Variants in NCL observed in about 807,000 individuals in gnomAD.
NCL encodes nucleolin multifunctional protein.
In NCL, 4 loss-of-function variants were observed where a neutral mutation model predicts 77.7. The observed-to-expected ratio is 0.05, with a 90% CI of 0.03 to 0.12. The LOEUF (loss-of-function observed/expected upper bound fraction) is 0.12. Among genes scored for constraint, NCL ranks in the 10% least tolerant of loss-of-function variants. The pLI, the probability that NCL is intolerant of heterozygous loss-of-function variation, is 1.00. For missense variants in NCL, 763 were observed against 860.9 expected (o/e 0.89, Z 1.42); for synonymous variants, 344 against 297.8 (o/e 1.16, Z -1.60).
intron 9 of NCL, 132 bp from the exon 10 acceptor site, chr2:231,457,256 T>TCCA (rs1464138793): frequency 7.9e-7 from 1 of 1,270,018 alleles, no homozygotes; most frequent in African/African-American, 1.5e-5. Context: ...GTAAGCTAAA[T>TCCA]CCATTTCTGT....
At chr2:231,459,468 G>A (rs2046925369) in intron 6 of NCL, among the ~76,000 whole-genome samples, 1 of 152,078 alleles carries the variant, frequency 6.6e-6, no homozygotes, top group Admixed American at 6.6e-5. Context: ...AGGTCTAATA[G>A]TTTCAGGTAC....
In NCL at chr2:231,457,476, G is replaced by C. The variant is rs2046902323; in HGVS notation, c.1447+167C>G. On this transcript the variant is annotated intron_variant, in intron 9 of 13. Transcript: ENST00000322723. ...ATTTTAGAGCTCTCATTCAAGATTG[G>C]AAATTACTATTCCAAATAAGAGTAT... The C allele has an allele frequency of 4.9e-6, 4 of 816,434 alleles. No homozygotes were observed. In the Admixed American group the frequency reaches 6.7e-5, roughly 14 times the overall value. The allele number at this position is 816,434 out of a possible 1,614,324, so 50.6% of individuals were successfully genotyped here.
At chr2:231,462,656 C>G (rs1230337776) in intron 2 of NCL, 4 of 460,944 alleles carry the variant, frequency 8.7e-6, no homozygotes, top group African/African-American at 2.0e-5. Flanking sequence ...AACCTGAGCA[C>G]AATTCAGTGC....
chr2:231,459,168 A>G (rs756122513), intron 6 of NCL, 43 bp from the exon 7 acceptor site: 4 of 1,503,804 alleles, frequency 2.7e-6, no homozygotes, highest in Admixed American at 5.0e-5. Context: ...AGGTGAAAAC[A>G]CAAATCAAAA....
rs1330398460 is a variant in NCL at position 231,464,184 on chromosome 2, G to C, written c.18+152C>G. Reference sequence around the variant, plus strand: ...CCTCGCCACCAAGTAGCCAGAAGCCGCGAGACCTCCCCACTAATCGCGCGA... The same window carrying C: ...CCTCGCCACCAAGTAGCCAGAAGCCCCGAGACCTCCCCACTAATCGCGCGA... On this transcript the variant is annotated intron_variant, in intron 1 of 13. Transcript: ENST00000322723. 5.1e-5 allele frequency: 74 copies of C among 1,441,254 alleles called. 1 individual carries two copies. In the South Asian group the frequency reaches 9.1e-4, roughly 18 times the overall value. 89.3% of individuals were successfully genotyped at this position (1,441,254 alleles called of 1,614,324 possible).
chr2:231,458,232 A>G (rs1233359838), intron 8 of NCL, 34 bp downstream of exon 8: 57 of 1,593,928 alleles, frequency 3.6e-5, no homozygotes, highest in Non-Finnish European at 4.8e-5. Context: ...ATTAATGTTA[A>G]TAAAACCCTT....
intron 4 of NCL, 23 bp from the exon 5 acceptor site, chr2:231,460,587 T>C (rs751594141): frequency 6.2e-7 from 1 of 1,614,188 alleles, no homozygotes. Flanking sequence ...TCAAACAATG[T>C]ATCACACATC....
At chr2:231,458,695 A>G (rs2046916640) in intron 7 of NCL, 2 of 426,178 alleles carry the variant, frequency 4.7e-6, no homozygotes, top group East Asian at 4.3e-5. Flanking sequence ...GGGAGTAATT[A>G]GGGACCTAAT....
chr2:231,458,310 A>G lies in NCL; in HGVS notation c.1245T>C (p.Asp415=), dbSNP rs1200026752. 3 of 1,614,144 alleles carry G rather than the reference A, an allele frequency of 1.9e-6. No individual in the cohort carries two copies. Among genetic ancestry groups the G allele is most frequent in the Admixed American group, 1.7e-5 (1 of 60,020 alleles). The change falls in exon 8 of 14, where the codon GAT becomes GAC. Residue 415 remains aspartate (D), a synonymous_variant. Transcript: ENST00000322723. Reference sequence around the variant, plus strand: ...TGCTGACTAATCTGATCTCCGCAGCATCTTCAAACACTTCTTTCAATTCAT... The same window carrying G: ...TGCTGACTAATCTGATCTCCGCAGCGTCTTCAAACACTTCTTTCAATTCAT... ...TQDELKEVFE[D]AAEIRLVSKD... is the part of the protein sequence containing the mutation.
rs1198740005 is a variant in NCL, at chr2:231,463,372, A to G, written c.19-56T>C. On this transcript the variant is annotated intron_variant, in intron 1 of 13. Transcript: ENST00000322723. ...TCCACCTCGACATTTCAGGCCATTC[A>G]TATTTTGCCATTAGTGTTCATACGC... 5 of 1,167,252 alleles carry G rather than the reference A, an allele frequency of 4.3e-6. No individual in the cohort carries two copies. The East Asian group carries it at 7.0e-5, about 16-fold the overall frequency. The allele number at this position is 1,167,252 out of a possible 1,614,324, so 72.3% of individuals were successfully genotyped here. A position where few individuals can be genotyped will look rare whatever the true frequency, so the allele number is the denominator to read the frequency against.
intron 1 of NCL, 124 bp from the exon 2 acceptor site, chr2:231,463,440 C>T: frequency 4.0e-6 from 3 of 741,590 alleles, no homozygotes; most frequent in South Asian, 3.0e-5. Flanking sequence ...GTGCCAAACA[C>T]CACAACTAAC....
chr2:231,464,069 C>G lies in NCL; in HGVS notation c.18+267G>C. On this transcript the variant is annotated intron_variant, in intron 1 of 13. Transcript: ENST00000322723. The stretch of plus-strand genomic sequence containing the variant: ...TCGCAAAAGTTTGGTCTCATCTCTC[C>G]ACCCCGAGGCCCAGCGCCCCCTCCC... 3 of 1,312,888 alleles carry G rather than the reference C, an allele frequency of 2.3e-6. No individual in the cohort carries two copies. In the Admixed American group the frequency reaches 9.2e-5, roughly 40 times the overall value. 81.3% of individuals were successfully genotyped at this position (1,312,888 alleles called of 1,614,324 possible).
chr2:231,456,886 C>G, intron 10 of NCL, 115 bp downstream of exon 10: 1 of 1,554,664 alleles, frequency 6.4e-7, no homozygotes, highest in Non-Finnish European at 8.7e-7. Flanking sequence ...ATTTTACACT[C>G]ATTTACGTAG....
At chr2:231,455,761 C>G in intron 12 of NCL, 137 bp from the exon 13 acceptor site, 2 of 1,207,166 alleles carry the variant, frequency 1.7e-6, no homozygotes, top group Non-Finnish European at 2.4e-6. Flanking sequence ...CAGAGTAGCT[C>G]TCTATGGAAA....
Position 231,460,693 on chromosome 2 carries a change from C to CAT in NCL, c.786_787insAT (p.Glu263MetfsTer53). The stretch of plus-strand genomic sequence containing the variant: ...CCTTCCTCCTCCTCTTCTTCCTCCT[C>CAT]CTCATCATCTTCATCATCATCATCT... On this transcript the variant is annotated frameshift_variant, in exon 4 of 14. Coordinates refer to ENST00000322723, the MANE Select transcript of NCL (RefSeq NM_005381.3). LOFTEE classifies it high-confidence loss of function. 2 of 1,611,964 alleles carry CAT rather than the reference C, an allele frequency of 1.2e-6. No homozygotes were observed. Among genetic ancestry groups the CAT allele is most frequent in the Non-Finnish European group, 1.7e-6 (2 of 1,178,864 alleles).
At position 231,461,719 on chromosome 2, in the gene NCL, C is replaced by T; in HGVS notation, c.434G>A (p.Ser145Asn). The T allele has an allele frequency of 6.2e-7, 1 of 1,614,228 alleles. No individual in the cohort carries two copies. Among genetic ancestry groups the T allele is most frequent in the Non-Finnish European group, 8.5e-7 (1 of 1,180,040 alleles). Residue 145 changes from serine (S) to asparagine (N), a missense_variant, in exon 3 of 14, where the codon AGT (serine) becomes AAT (asparagine). This residue lies in a region of NCL where 590 missense variants were observed against 570.5 expected (regional missense o/e 1.03). Coordinates refer to ENST00000322723, the MANE Select transcript of NCL (RefSeq NM_005381.3). The part of the protein sequence containing the change: ...KNGKNAKKED[S>N]DEEEDDDSEE... The stretch of plus-strand genomic sequence containing the variant: ...ACTGTCATCATCCTCCTCTTCATCA[C>T]TGTCTTCCTTCTTGGCATTCTTGCC...
chr2:231,463,087 C>T, intron 2 of NCL, 113 bp downstream of exon 2: 2 of 776,066 alleles, frequency 2.6e-6, no homozygotes, highest in Non-Finnish European at 4.2e-6. Flanking sequence ...TCAACCACTA[C>T]AATAAGACAT....
rs1480096465 is a variant in NCL at position 231,459,038 on chromosome 2, A to G, written c.1128T>C (p.Ile376=). Residue 376 remains isoleucine (I), a synonymous_variant, in exon 7 of 14, where the codon ATT becomes ATC. Coordinates refer to ENST00000322723, the MANE Select transcript of NCL (RefSeq NM_005381.3). ...LTGLKVFGNE[I]KLEKPKGKDS... The stretch of plus-strand genomic sequence containing the variant: ...CTTTTCCTTTTGGTTTCTCTAGTTT[A>G]ATTTCATTGCCAAAGACTTTCAAAC... 5.0e-6 allele frequency: 8 copies of G among 1,601,662 alleles called. No homozygotes were observed. The highest frequency in any genetic ancestry group is 6.8e-6 in the Non-Finnish European group (8 of 1,175,452).
At position 231,455,725 on chromosome 2, in the gene NCL, G is replaced by A. The variant is rs780508751; in HGVS notation, c.1833-101C>T. The A allele has an allele frequency of 3.4e-5, 47 of 1,381,586 alleles. 1 individual carries two copies. The highest frequency in any genetic ancestry group is 4.4e-5 in the Non-Finnish European group (43 of 974,640). 85.6% of individuals were successfully genotyped at this position (1,381,586 alleles called of 1,614,324 possible). ...GAGCCATCCCACAGAAAGTAGCCTT[G>A]TTTATTTGGGAAAAGATACCAGTGA... On this transcript the variant is annotated intron_variant, in intron 12 of 13. Transcript: ENST00000322723.
Sources: gnomAD v4.1 joint callset for allele counts (sites outside exome capture counted in the v4.1 genomes callset) on GRCh38, gnomAD v4.1.1 for gene constraint, gnomAD v4.1.1 regional missense constraint, MANE v1.5 for transcripts, NCBI Gene and HGNC (gene_info 2026-07-23, HGNC 2026-07-21) for gene names.